Variants in MRTFB observed in about 807,000 individuals in gnomAD.
MRTFB encodes myocardin-related transcription factor B.
In MRTFB, 29 loss-of-function variants were observed where a neutral mutation model predicts 104.2. The observed-to-expected ratio is 0.28, with a 90% CI of 0.21 to 0.38. MRTFB has a LOEUF of 0.38. Ranked by LOEUF, MRTFB falls within the 10% of genes least tolerant of loss-of-function variation. MRTFB has a pLI of 1.00. For missense variants in MRTFB, 1,270 were observed against 1,341.6 expected, an observed-to-expected ratio of 0.95 and a Z score of 0.83; for synonymous variants, 535 against 519.5, an observed-to-expected ratio of 1.03 and a Z score of -0.41.
chr16:14,137,637 A>G (rs1274291330), intron 2 of MRTFB, among the ~76,000 whole-genome samples: 2 of 152,144 alleles, frequency 1.3e-5, no homozygotes, highest in South Asian at 2.1e-4. Flanking sequence ...AATATTCCTT[A>G]GTGAAATAAG....
intron 9 of MRTFB, among the ~76,000 whole-genome samples, chr16:14,235,548 G>GT (rs1279828792): frequency 5.3e-5 from 8 of 152,188 alleles, no homozygotes; most frequent in Non-Finnish European, 1.0e-4. Flanking sequence ...AAGAAGCATT[G>GT]TTTAAGAATG....
intron 3 of MRTFB, chr16:14,142,567 G>A (rs2038069263): frequency 6.6e-6 from 1 of 152,188 alleles, no homozygotes; most frequent in Non-Finnish European, 1.5e-5. Context: ...CATCTTTTAA[G>A]AACCCACATT....
intron 2 of MRTFB, among the ~76,000 whole-genome samples, chr16:14,095,098 T>C (rs1414974100): frequency 6.6e-6 from 1 of 152,238 alleles, no homozygotes; most frequent in Non-Finnish European, 1.5e-5. Flanking sequence ...AAGATTATGA[T>C]AGCAAAGGCT....
chr16:14,254,321 G>C (rs2151444689), intron 15 of MRTFB, among the ~76,000 whole-genome samples: 1 of 152,354 alleles, frequency 6.6e-6, no homozygotes. Context: ...GCAACTACCT[G>C]AACGCATTGA....
intron 3 of MRTFB, among the ~76,000 whole-genome samples, chr16:14,159,949 AAAAG>A (rs1428990791): frequency 2.7e-5 from 4 of 148,320 alleles, no homozygotes; most frequent in Non-Finnish European, 3.0e-5. Context: ...AAAAAAAAAA[AAAAG>A]AATCATTTAC....
intron 2 of MRTFB, among the ~76,000 whole-genome samples, chr16:14,104,361 A>C (rs913851772): frequency 6.6e-6 from 1 of 152,132 alleles, no homozygotes; most frequent in Non-Finnish European, 1.5e-5. Flanking sequence ...GGTCTCATTT[A>C]CTCCTGAAAT....
At chr16:14,142,686 C>G (rs2038074141) in intron 3 of MRTFB, 1 of 152,114 alleles carries the variant, frequency 6.6e-6, no homozygotes, top group African/African-American at 2.4e-5. Context: ...AATTATTACC[C>G]TAAAAGAAAA....
chr16:14,112,829 T>TGTCTC (rs2036346180), intron 2 of MRTFB, among the ~76,000 whole-genome samples: 1 of 152,180 alleles, frequency 6.6e-6, no homozygotes. Flanking sequence ...TGTGTTCCAG[T>TGTCTC]GTCTCCATGG....
Position 14,240,620 on chromosome 16 carries a change from A to T in MRTFB, c.1079+136A>T, listed in dbSNP as rs771417013. ...TTTCATTTCTTTGTTATCAGAGCTT[A>T]TCACACAGTGTCTGAAGTCCACATG... On this transcript the variant is annotated intron_variant, in intron 10 of 16. Transcript: ENST00000571589. 8 of 1,427,136 alleles carry T rather than the reference A, an allele frequency of 5.6e-6. No individual in the cohort carries two copies. In the East Asian group the frequency reaches 1.4e-4, roughly 24 times the overall value. 88.4% of individuals were successfully genotyped at this position (1,427,136 alleles called of 1,614,324 possible).
intron 2 of MRTFB, among the ~76,000 whole-genome samples, chr16:14,136,023 C>A (rs915670449): frequency 6.6e-6 from 1 of 152,170 alleles, no homozygotes; most frequent in African/African-American, 2.4e-5. Context: ...GTAATTCCAG[C>A]ACTTTGGGAG....
chr16:14,125,141 T>A (rs1466576802), intron 2 of MRTFB, among the ~76,000 whole-genome samples: 1 of 152,226 alleles, frequency 6.6e-6, no homozygotes, highest in African/African-American at 2.4e-5. Flanking sequence ...TGGTTCTGAT[T>A]GCTTGCTGTC....
At chr16:14,126,813 C>T (rs1172792091) in intron 2 of MRTFB, among the ~76,000 whole-genome samples, 2 of 152,102 alleles carry the variant, frequency 1.3e-5, no homozygotes, top group Admixed American at 6.6e-5. Flanking sequence ...AGTCTGACAA[C>T]AGAGGAGGAA....
At chr16:14,156,800 A>G (rs911240283) in intron 3 of MRTFB, among the ~76,000 whole-genome samples, 6 of 152,206 alleles carry the variant, frequency 3.9e-5, no homozygotes, top group African/African-American at 1.4e-4. Context: ...TTCAGCCTTT[A>G]AAAGAGACAA....
At chr16:14,213,028 A>C (rs1438912096) in intron 5 of MRTFB, among the ~76,000 whole-genome samples, 12 of 152,176 alleles carry the variant, frequency 7.9e-5, no homozygotes, top group Non-Finnish European at 1.6e-4. Flanking sequence ...TTTCTTAAGA[A>C]TTTTTCTAGA....
Position 14,261,515 on chromosome 16 carries a change from AGATAG to A in MRTFB, c.*72_*76del. 7.1e-7 allele frequency: 1 copy of A among 1,414,542 alleles called. No individual in the cohort carries two copies. Among genetic ancestry groups the A allele is most frequent in the Non-Finnish European group, 9.6e-7 (1 of 1,042,448 alleles). The allele number at this position is 1,414,542 out of a possible 1,614,324, so 87.6% of individuals were successfully genotyped here. The stretch of plus-strand genomic sequence containing the variant: ...AAGATTCTAAAAGGTCAGTTTTTAG[AGATAG>A]ATCTATAGTTGCATTGTTGCAATCA... On this transcript the variant is annotated 3_prime_UTR_variant, in exon 17 of 17. Transcript: ENST00000571589.
At chr16:14,098,093 G>C (rs966226756) in intron 2 of MRTFB, among the ~76,000 whole-genome samples, 1 of 152,128 alleles carries the variant, frequency 6.6e-6, no homozygotes, top group Non-Finnish European at 1.5e-5. Flanking sequence ...TATGGACTCT[G>C]TTATCTCTTG....
At chr16:14,055,839 G>A in the MRTFB span, among the ~76,000 whole-genome samples, 8 of 151,932 alleles carry the variant, frequency 5.3e-5, no homozygotes, top group Middle Eastern at 3.4e-3. Context: ...GATACTTCAC[G>A]ACTATCTTGT....
the MRTFB span, among the ~76,000 whole-genome samples, chr16:13,998,871 CAAAAAAA>C: frequency 1.9e-3 from 55 of 29,638 alleles, 1 homozygote; most frequent in East Asian, 5.4e-3. Context: ...GACTCTGTTT[CAAAAAAA>C]AAAAAAAAAA....
At position 14,222,581 on chromosome 16, in the gene MRTFB, T is replaced by TTTTA. The variant is rs1555454144; in HGVS notation, c.693+3585_693+3586insTATT. ...TAATTTCCCTGTTTAGGTTTTTTTT[T>TTTTA]TTATTATTATTATTCCTGACTGAGG... On this transcript the variant is annotated intron_variant, in intron 8 of 16. Transcript: ENST00000571589. Among the ~76,000 whole-genome samples, 8 of 151,566 alleles carry TTTTA rather than the reference T, an allele frequency of 5.3e-5. No individual in the cohort carries two copies. The East Asian group carries it at 7.7e-4, about 15-fold the overall frequency.
Sources: allele counts gnomAD v4.1 joint callset (sites outside exome capture counted in the v4.1 genomes callset), GRCh38; gene constraint gnomAD v4.1.1; transcripts MANE v1.5; gene names NCBI Gene and HGNC (gene_info 2026-07-23, HGNC 2026-07-21).